TEX14: variants seen among roughly 807,000 people sequenced by gnomAD.
The protein encoded by TEX14 is inactive serine/threonine-protein kinase TEX14.
Under a neutral mutation model 178.6 loss-of-function variants are expected in TEX14, and 168 were observed. The observed-to-expected ratio is 0.94, with a 90% CI of 0.83 to 1.07. TEX14 has a LOEUF of 1.07. Among genes scored for constraint, TEX14 ranks in the 50% least tolerant of loss-of-function variants. The pLI, the probability that TEX14 is intolerant of heterozygous loss-of-function variation, is 0.00. For missense variants in TEX14, 1,730 were observed against 1,753.6 expected (o/e 0.99, Z 0.24); for synonymous variants, 626 against 634.1 (o/e 0.99, Z 0.19).
At chr17:58,581,561 G>A (rs747031985) in intron 19 of TEX14, 4 of 1,594,046 alleles carry the variant, frequency 2.5e-6, no homozygotes, top group Non-Finnish European at 3.4e-6. Flanking sequence ...AAAGAAATAA[G>A]GCAATGGAGA....
In TEX14 at chr17:58,561,606, G is replaced by A. The variant is rs2044274534; in HGVS notation, c.4071C>T (p.His1357=). ...TTTCCAGGTCCTCATCCAGAGTAGA[G>A]TGAGCTCTGTTTAAGGACAAGTGAA... ...EDLGEDTERA[H]STLDEDLERW... The change falls in exon 29 of 32, where the codon CAC becomes CAT. Residue 1357 remains histidine (H), a synonymous_variant. Transcript: ENST00000349033. The A allele has an allele frequency of 6.2e-7, 1 of 1,611,616 alleles. No homozygotes were observed. Among genetic ancestry groups the A allele is most frequent in the East Asian group, 2.2e-5 (1 of 44,880 alleles).
In TEX14 at chr17:58,622,943, T is replaced by C. The variant is rs760343068; in HGVS notation, c.321A>G (p.Lys107=). 1 of 1,612,756 alleles carries C rather than the reference T, an allele frequency of 6.2e-7. No homozygotes were observed. Among genetic ancestry groups the C allele is most frequent in the Non-Finnish European group, 8.5e-7 (1 of 1,178,904 alleles). The change falls in exon 4 of 32, where the codon AAA becomes AAG. Residue 107 remains lysine, a synonymous_variant. Coordinates refer to ENST00000349033, the MANE Select transcript of TEX14 (RefSeq NM_031272.5). ...AFSGNQWILS[K]LLDAGGDLRL... ...GCAGGTCACCTCCTGCATCCAGCAG[T>C]TTGCTAAGGATCCACTGATTGCCCG...
intron 19 of TEX14, among the ~76,000 whole-genome samples, chr17:58,581,322 A>G (rs1031829383): frequency 6.6e-6 from 1 of 152,110 alleles, no homozygotes; most frequent in Non-Finnish European, 1.5e-5. Flanking sequence ...AAAATTAAAA[A>G]AAAAAAAAAG....
At chr17:58,598,441 T>C (rs1054624858) in intron 14 of TEX14, among the ~76,000 whole-genome samples, 2 of 152,218 alleles carry the variant, frequency 1.3e-5, no homozygotes, top group African/African-American at 4.8e-5. Flanking sequence ...AGATACTTTA[T>C]TCAATAAGTT....
intron 1 of TEX14, among the ~76,000 whole-genome samples, chr17:58,669,365 A>C (rs529785206): frequency 4.2e-4 from 64 of 151,630 alleles, no homozygotes; most frequent in Middle Eastern, 3.4e-3. Flanking sequence ...AACAAACAAA[A>C]AAAAAAACAG....
rs1340957068 is a variant in TEX14 at position 58,630,512 on chromosome 17, A to G, written c.179T>C (p.Leu60Pro). Residue 60 changes from leucine to proline, a missense_variant, in exon 3 of 32, where the codon CTT becomes CCT. Leu to Pro is a moderately conservative substitution (Grantham distance 98). This residue lies in a region of TEX14 where 789 missense variants were observed against 681.2 expected (regional missense o/e 1.16). Coordinates refer to ENST00000349033, the MANE Select transcript of TEX14 (RefSeq NM_031272.5). ...AAGGCCCAATAACGCCGCAACAAAAAGTGCTGTTTGGCCCAAGGAGTTAAC... is the reference window on the plus strand; with the variant it reads ...AAGGCCCAATAACGCCGCAACAAAAGGTGCTGTTTGGCCCAAGGAGTTAAC... ...DAVNSLGQTA[L>P]FVAALLGLRK... 1 of 1,614,176 alleles carries G rather than the reference A, an allele frequency of 6.2e-7. No homozygotes were observed. Among genetic ancestry groups the G allele is most frequent in the Non-Finnish European group, 8.5e-7 (1 of 1,180,000 alleles).
At chr17:58,678,129 G>A (rs542536405) in intron 1 of TEX14, among the ~76,000 whole-genome samples, 18 of 152,198 alleles carry the variant, frequency 1.2e-4, no homozygotes, top group East Asian at 5.8e-4. Flanking sequence ...CAGCCTGGGC[G>A]ACAGAGCGAG....
Position 58,583,324 on chromosome 17 carries a change from T to G in TEX14, c.3171+1176A>C, listed in dbSNP as rs537796137. Among the ~76,000 whole-genome samples, 10 of 152,060 alleles carry G rather than the reference T, an allele frequency of 6.6e-5. No homozygotes were observed. In the East Asian group the frequency reaches 1.7e-3, roughly 27 times the overall value. On this transcript the variant is annotated intron_variant, in intron 19 of 31. Transcript: ENST00000349033. ...TTTTGTATCTTTTGTAGAGATGGGG[T>G]CTTGCCATGTTGCCAAGGCTGGTCT...
At chr17:58,649,355 C>G (rs1220451463) in intron 2 of TEX14, among the ~76,000 whole-genome samples, 1 of 152,138 alleles carries the variant, frequency 6.6e-6, no homozygotes, top group East Asian at 1.9e-4. Context: ...GCTGGGATTA[C>G]AGGCATGAGT....
In TEX14 at chr17:58,604,912, T is replaced by G. The variant is rs993326688; in HGVS notation, c.1336+66A>C. On this transcript the variant is annotated intron_variant, in intron 11 of 31. Coordinates refer to ENST00000349033, the MANE Select transcript of TEX14 (RefSeq NM_031272.5). ...TATTTTCATAAAAGTCAGTAACTCC[T>G]GTGGGGGGAGAAAAATGCAACCTAA... 3.8e-6 allele frequency: 6 copies of G among 1,559,324 alleles called. No homozygotes were observed. The African/African-American group carries it at 4.1e-5, about 11-fold the overall frequency.
intron 26 of TEX14, among the ~76,000 whole-genome samples, chr17:58,566,226 T>G (rs1172965198): frequency 6.6e-6 from 1 of 152,240 alleles, no homozygotes; most frequent in Non-Finnish European, 1.5e-5. Flanking sequence ...TAATTCAGGA[T>G]GAATGTTCAC....
chr17:58,647,809 T>C (rs796471346), intron 2 of TEX14, among the ~76,000 whole-genome samples: 9 of 152,136 alleles, frequency 5.9e-5, no homozygotes, highest in African/African-American at 2.2e-4. Context: ...ATTCTCCTCC[T>C]GCCTCAGCCT....
At chr17:58,660,641 C>T (rs1446112198) in intron 1 of TEX14, 1 of 789,572 alleles carries the variant, frequency 1.3e-6, no homozygotes, top group Non-Finnish European at 2.3e-6. Context: ...ATCCCACTCT[C>T]GAGCTCTTTG....
At chr17:58,641,728 A>G (rs1000577713) in intron 2 of TEX14, among the ~76,000 whole-genome samples, 4 of 151,952 alleles carry the variant, frequency 2.6e-5, no homozygotes. Flanking sequence ...CCTGGTCTCT[A>G]TCTCCTGACC....
intron 2 of TEX14, among the ~76,000 whole-genome samples, chr17:58,641,302 C>T (rs1161134153): frequency 2.6e-5 from 4 of 151,464 alleles, no homozygotes; most frequent in Non-Finnish European, 4.4e-5. Flanking sequence ...CCCAGCTACT[C>T]GGGAGGCTGA....
chr17:58,563,658 T>TATATATAGAGAG (rs1351647352), intron 28 of TEX14, among the ~76,000 whole-genome samples: 1 of 17,490 alleles, frequency 5.7e-5, no homozygotes, highest in Non-Finnish European at 8.7e-5. Context: ...TATATATATA[T>TATATATAGAGAG]AGAGAGAGAG....
At chr17:58,591,095 A>G (rs2045126628) in intron 15 of TEX14, among the ~76,000 whole-genome samples, 1 of 152,014 alleles carries the variant, frequency 6.6e-6, no homozygotes. Flanking sequence ...CACAACAACT[A>G]TGGGTTTTTC....
At chr17:58,593,358 G>A (rs979936013) in intron 15 of TEX14, among the ~76,000 whole-genome samples, 197 bp downstream of exon 15, 1 of 152,138 alleles carries the variant, frequency 6.6e-6, no homozygotes, top group African/African-American at 2.4e-5. Context: ...CAGCCACTTG[G>A]GCTTTGATGT....
At chr17:58,609,945 G>C (rs1011155983) in intron 10 of TEX14, among the ~76,000 whole-genome samples, 1 of 152,216 alleles carries the variant, frequency 6.6e-6, no homozygotes, top group African/African-American at 2.4e-5. Context: ...GTAGGTGGCA[G>C]ACAAGGGTAA....
Sources: gnomAD v4.1 joint callset for allele counts (sites outside exome capture counted in the v4.1 genomes callset) on GRCh38, gnomAD v4.1.1 for gene constraint, gnomAD v4.1.1 regional missense constraint, MANE v1.5 for transcripts, NCBI Gene and HGNC (gene_info 2026-07-23, HGNC 2026-07-21) for gene names.